Variants in RNF4 observed in about 807,000 individuals in gnomAD.
RNF4 encodes the protein ring finger protein 4.
In RNF4, 7 loss-of-function variants were observed where a neutral mutation model predicts 24.3. The observed-to-expected ratio is 0.29, with a 90% CI of 0.16 to 0.54. The LOEUF (loss-of-function observed/expected upper bound fraction) is 0.54. Among genes scored for constraint, RNF4 ranks in the 20% least tolerant of loss-of-function variants. The probability of loss-of-function intolerance (pLI) is 0.95; values close to 1 mark genes in which losing one functional copy is unlikely to be tolerated. For missense variants in RNF4, 209 were observed against 248.5 expected (o/e 0.84, Z 1.07); for synonymous variants, 83 against 84.3 (o/e 0.98, Z 0.09).
rs1448107460 is a variant in RNF4, at chr4:2,513,022, A to T, written c.375-61A>T. The T allele has an allele frequency of 9.3e-6, 14 of 1,504,194 alleles. No homozygotes were observed. The Admixed American group carries it at 1.5e-4, about 16-fold the overall frequency. 93.2% of individuals were successfully genotyped at this position (1,504,194 alleles called of 1,614,324 possible). ...GTAGGGGATAGGGGCCACTCACGTG[A>T]CAGGGTATAATAAAATGTTTGCGTT... On this transcript the variant is annotated intron_variant, in intron 6 of 7. Transcript: ENST00000314289.
intron 1 of RNF4, among the ~76,000 whole-genome samples, chr4:2,476,939 G>A (rs917668953): frequency 2.0e-5 from 3 of 151,424 alleles, no homozygotes; most frequent in Non-Finnish European, 4.4e-5. Context: ...GCAGCACCAC[G>A]TCTAGCTCAT....
intron 1 of RNF4, among the ~76,000 whole-genome samples, chr4:2,477,369 G>A (rs1013069856): frequency 2.0e-5 from 3 of 152,040 alleles, no homozygotes; most frequent in African/African-American, 4.8e-5. Context: ...GGCGGATCAC[G>A]AGGTTAGGAG....
intron 1 of RNF4, among the ~76,000 whole-genome samples, chr4:2,472,304 T>C (rs1369655703): frequency 2.0e-5 from 3 of 152,168 alleles, no homozygotes; most frequent in Non-Finnish European, 4.4e-5. Flanking sequence ...GATCTACAGC[T>C]CAGAAAAAAA....
At chr4:2,491,122 T>G (rs1468702747) in intron 2 of RNF4, among the ~76,000 whole-genome samples, 1 of 152,220 alleles carries the variant, frequency 6.6e-6, no homozygotes, top group Non-Finnish European at 1.5e-5. Flanking sequence ...CTGTTTTGTT[T>G]CCCTGTGACA....
chr4:2,473,550 C>T lies in RNF4; in HGVS notation c.-158+4292C>T, dbSNP rs556969339. ...GAGCCTGGCCGGGCCTGGTGGCTCA[C>T]GCCTGTAATCTCAGCACTTTGGGAG... is the stretch of plus-strand genomic sequence containing the variant. On this transcript the variant is annotated intron_variant, in intron 1 of 7. Coordinates refer to ENST00000314289, the MANE Select transcript of RNF4 (RefSeq NM_002938.5). Among the ~76,000 whole-genome samples, 501 of 152,258 alleles carry T rather than the reference C, an allele frequency of 3.3e-3. 2 individuals carry two copies. Among genetic ancestry groups the T allele is most frequent in the Non-Finnish European group, 3.8e-3 (257 of 68,022 alleles).
intron 4 of RNF4, among the ~76,000 whole-genome samples, chr4:2,510,837 G>A (rs1297095253): frequency 6.6e-6 from 1 of 152,204 alleles, no homozygotes; most frequent in African/African-American, 2.4e-5. Context: ...GAGGAACCAC[G>A]TTTGAAACTG....
intron 4 of RNF4, among the ~76,000 whole-genome samples, chr4:2,504,578 T>G (rs545492071): frequency 6.7e-6 from 1 of 148,298 alleles, no homozygotes; most frequent in East Asian, 2.0e-4. Flanking sequence ...TGAGACAGAG[T>G]CTTGCACTGT....
intron 4 of RNF4, among the ~76,000 whole-genome samples, chr4:2,504,726 A>ATTTTTTTTTT (rs1182588172): frequency 3.1e-4 from 19 of 61,108 alleles, no homozygotes; most frequent in East Asian, 2.3e-3. Context: ...CATTTTTTGT[A>ATTTTTTTTTT]TTTTTTTTTT....
Position 2,490,400 on chromosome 4 carries a change from A to G in RNF4, c.-94A>G, listed in dbSNP as rs1735544703. The G allele has an allele frequency of 7.9e-7, 1 of 1,260,968 alleles. No homozygotes were observed. The highest frequency in any genetic ancestry group is 1.1e-6 in the Non-Finnish European group (1 of 883,746). 78.1% of individuals were successfully genotyped at this position (1,260,968 alleles called of 1,614,324 possible). A position where few individuals can be genotyped will look rare whatever the true frequency, so the allele number is the denominator to read the frequency against. On this transcript the variant is annotated 5_prime_UTR_variant, in exon 2 of 8. Coordinates refer to ENST00000314289, the MANE Select transcript of RNF4 (RefSeq NM_002938.5). ...TTTTGCAAGCCAGATGAGTAACCAG[A>G]GGGCATGAAAGGTTGAGAACATTTG...
chr4:2,479,267 T>A (rs182458066), intron 1 of RNF4, among the ~76,000 whole-genome samples: 39 of 152,328 alleles, frequency 2.6e-4, no homozygotes, highest in African/African-American at 8.7e-4. Context: ...ACTTGCCTTG[T>A]CTCGGATGAG....
intron 1 of RNF4, among the ~76,000 whole-genome samples, chr4:2,470,598 C>T (rs1006368069): frequency 6.6e-6 from 1 of 152,146 alleles, no homozygotes; most frequent in Admixed American, 6.5e-5. Flanking sequence ...ATCTTAATGC[C>T]ATACGTAAAC....
chr4:2,486,300 C>T (rs1056520357), intron 1 of RNF4, among the ~76,000 whole-genome samples: 5 of 152,190 alleles, frequency 3.3e-5, no homozygotes, highest in African/African-American at 4.8e-5. Flanking sequence ...CCTGCATGAT[C>T]CAGAACCCTT....
At chr4:2,497,894 A>C (rs1735785887) in intron 3 of RNF4, among the ~76,000 whole-genome samples, 1 of 152,136 alleles carries the variant, frequency 6.6e-6, no homozygotes, top group Non-Finnish European at 1.5e-5. Context: ...TCGGCCTCCC[A>C]AAGTGCTGGT....
At chr4:2,479,422 C>T (rs2108752472) in intron 1 of RNF4, among the ~76,000 whole-genome samples, 1 of 152,234 alleles carries the variant, frequency 6.6e-6, no homozygotes, top group Middle Eastern at 3.4e-3. Flanking sequence ...CCACCCAGAT[C>T]TCATCTTGAA....
intron 1 of RNF4, among the ~76,000 whole-genome samples, chr4:2,475,191 A>T (rs1239348420): frequency 6.6e-6 from 1 of 152,212 alleles, no homozygotes; most frequent in African/African-American, 2.4e-5. Context: ...TTTTTAAGAG[A>T]ATATCTCCCT....
Position 2,514,124 on chromosome 4 carries a change from C to T in RNF4, c.*305C>T. 1 of 328,368 alleles carries T rather than the reference C, an allele frequency of 3.0e-6. No individual in the cohort carries two copies. 20.3% of individuals were successfully genotyped at this position (328,368 alleles called of 1,614,324 possible). A position where few individuals can be genotyped will look rare whatever the true frequency, so the allele number is the denominator to read the frequency against. On this transcript the variant is annotated 3_prime_UTR_variant, in exon 8 of 8. Transcript: ENST00000314289. ...CTGGTTGCAGAATCTGCACATTTGCCAAGAAATTTTCCCTGTTTGGAAAGT... is the reference window on the plus strand; with the variant it reads ...CTGGTTGCAGAATCTGCACATTTGCTAAGAAATTTTCCCTGTTTGGAAAGT...
intron 1 of RNF4, among the ~76,000 whole-genome samples, chr4:2,484,071 C>CCCCCG (rs1560402727): frequency 4.0e-5 from 2 of 50,322 alleles, no homozygotes; most frequent in African/African-American, 1.4e-4. Context: ...AGGTGATCCC[C>CCCCCG]CCCCGCCTCG....
chr4:2,508,882 G>A (rs985207200), intron 4 of RNF4, among the ~76,000 whole-genome samples: 1 of 139,210 alleles, frequency 7.2e-6, no homozygotes, highest in African/African-American at 2.7e-5. Flanking sequence ...AGAGTGCTGG[G>A]ATTACAGGCA....
At chr4:2,503,234 CCCTA>C (rs1735971062) in intron 4 of RNF4, among the ~76,000 whole-genome samples, 1 of 152,178 alleles carries the variant, frequency 6.6e-6, no homozygotes, top group African/African-American at 2.4e-5. Flanking sequence ...CTCTGAACTT[CCCTA>C]CCTTTCTTCT....
Sources: gnomAD v4.1 joint callset for allele counts (sites outside exome capture counted in the v4.1 genomes callset) on GRCh38, gnomAD v4.1.1 for gene constraint, MANE v1.5 for transcripts, NCBI Gene and HGNC (gene_info 2026-07-23, HGNC 2026-07-21) for gene names.